The following HDAC9 variants were observed in gnomAD, a reference collection of about 807,000 sequenced individuals.
HDAC9 encodes histone deacetylase 9.
In HDAC9, 41 loss-of-function variants were observed where a neutral mutation model predicts 139.4. The ratio of observed to expected loss-of-function variants is 0.29; its 90% CI spans 0.23 to 0.38. HDAC9 has a LOEUF of 0.38. HDAC9 is among the 10% of genes least tolerant of loss of function. The pLI is 1.00. For synonymous variants in HDAC9, 517 were observed against 476.2 expected (o/e 1.09, Z -1.12); for missense variants, 1,147 against 1,297.0 (o/e 0.88, Z 1.78).
intron 1 of HDAC9, among the ~76,000 whole-genome samples, chr7:18,479,852 A>AT (rs1377469232): frequency 1.3e-5 from 2 of 152,036 alleles, no homozygotes; most frequent in African/African-American, 4.8e-5. Context: ...TATATTACAT[A>AT]ATATTGAAGT....
intron 20 of HDAC9, 80 bp from the exon 21 acceptor site, chr7:18,835,820 A>T: frequency 9.6e-7 from 1 of 1,043,274 alleles, no homozygotes; most frequent in Non-Finnish European, 1.4e-6. Context: ...AAGAGCTCCC[A>T]TGTGCTTGTT....
At chr7:18,326,376 ATTGT>A (rs1258239705) in intron 1 of HDAC9, among the ~76,000 whole-genome samples, 1 of 152,040 alleles carries the variant, frequency 6.6e-6, no homozygotes, top group Non-Finnish European at 1.5e-5. Flanking sequence ...TGGGGCAAAA[ATTGT>A]TTGAAAGAAG....
chr7:18,174,274 C>G (rs1788700323), intron 2 of HDAC9, among the ~76,000 whole-genome samples: 1 of 152,174 alleles, frequency 6.6e-6, no homozygotes, highest in Non-Finnish European at 1.5e-5. Flanking sequence ...TCATGTAGTT[C>G]TCATTCCATG....
At position 18,238,430 on chromosome 7, in the gene HDAC9, G is replaced by A. The variant is rs1033609293; in HGVS notation, c.25+76081G>A. 1.6e-3 allele frequency among the ~76,000 whole-genome samples: 239 copies of A among 152,262 alleles called. 3 individuals are homozygous for A. The highest frequency in any genetic ancestry group is 5.6e-3 in the African/African-American group (232 of 41,552). On this transcript the variant is annotated intron_variant, in intron 2 of 12. Coordinates refer to the HDAC9 transcript ENST00000417496. The stretch of plus-strand genomic sequence containing the variant: ...ACTTTCCACAGTGCCATAATTGCTG[G>A]TTGCCACACATTAACACTAGCGTAG...
chr7:18,222,856 C>T (rs1264885517), intron 2 of HDAC9, among the ~76,000 whole-genome samples: 1 of 152,056 alleles, frequency 6.6e-6, no homozygotes, highest in African/African-American at 2.4e-5. Context: ...TGTTTTTGCA[C>T]ACTTCTCTAT....
At chr7:18,823,193 C>T (rs983517731) in intron 17 of HDAC9, among the ~76,000 whole-genome samples, 3 of 151,984 alleles carry the variant, frequency 2.0e-5, no homozygotes, top group African/African-American at 7.3e-5. Flanking sequence ...GGTAGAATTT[C>T]TGGTGGAAGA....
intron 2 of HDAC9, among the ~76,000 whole-genome samples, chr7:18,503,968 A>G (rs1417851214): frequency 6.6e-6 from 1 of 152,202 alleles, no homozygotes; most frequent in Non-Finnish European, 1.5e-5. Context: ...CAAAATCCAG[A>G]AAACAAAAAA....
intron 24 of HDAC9, among the ~76,000 whole-genome samples, chr7:18,963,263 T>G (rs7808451): frequency 0.43 from 65,010 of 151,940 alleles, 14,031 homozygotes; most frequent in South Asian, 0.5. Context: ...GCACAAGAAA[T>G]CTTAAGATCC....
intron 2 of HDAC9, among the ~76,000 whole-genome samples, chr7:18,512,017 C>CA (rs11337572): frequency 0.024 from 2,333 of 96,486 alleles, 41 homozygotes; most frequent in East Asian, 0.078. Flanking sequence ...ATGAATTAAG[C>CA]AAAAAAAAAA....
intron 2 of HDAC9, among the ~76,000 whole-genome samples, chr7:18,195,379 A>G (rs1790652076): frequency 1.3e-5 from 2 of 152,196 alleles, no homozygotes; most frequent in Admixed American, 6.5e-5. Context: ...GGGGTCTGGG[A>G]TGGTTCCCTA....
At chr7:18,163,187 C>T (rs1265694934) in intron 2 of HDAC9, among the ~76,000 whole-genome samples, 1 of 152,164 alleles carries the variant, frequency 6.6e-6, no homozygotes, top group African/African-American at 2.4e-5. Context: ...GATTGCCACA[C>T]CCAAGTTAGC....
At chr7:18,930,941 C>G (rs1804686150) in intron 22 of HDAC9, among the ~76,000 whole-genome samples, 1 of 152,068 alleles carries the variant, frequency 6.6e-6, no homozygotes, top group Non-Finnish European at 1.5e-5. Flanking sequence ...ATTTGGATCG[C>G]TCTGTCTCTT....
intron 21 of HDAC9, among the ~76,000 whole-genome samples, chr7:18,872,975 A>G (rs73320054): frequency 0.022 from 3,344 of 152,294 alleles, 135 homozygotes; most frequent in African/African-American, 0.075. Flanking sequence ...GATTAATAAA[A>G]TTAAATTGAG....
chr7:18,254,992 T>C (rs1584866829), intron 2 of HDAC9, among the ~76,000 whole-genome samples: 1 of 152,306 alleles, frequency 6.6e-6, no homozygotes, highest in South Asian at 2.1e-4. Context: ...TACACACATA[T>C]ACATATATAA....
chr7:18,129,391 T>C, intron 1 of HDAC9, among the ~76,000 whole-genome samples: 1 of 152,154 alleles, frequency 6.6e-6, no homozygotes, highest in East Asian at 1.9e-4. Context: ...GAGGACCTTG[T>C]TTTATTCACC....
chr7:18,479,202 G>A (rs1320087886), intron 1 of HDAC9, among the ~76,000 whole-genome samples: 1 of 151,866 alleles, frequency 6.6e-6, no homozygotes, highest in Non-Finnish European at 1.5e-5. Context: ...GAATTTAAAT[G>A]TATTCTTTGA....
chr7:18,199,935 C>CA (rs1275824065), intron 2 of HDAC9, among the ~76,000 whole-genome samples: 1 of 150,916 alleles, frequency 6.6e-6, no homozygotes, highest in African/African-American at 2.4e-5. Flanking sequence ...GTCTCTGAAA[C>CA]AAAAAACAGA....
intron 22 of HDAC9, among the ~76,000 whole-genome samples, chr7:18,921,269 C>T (rs986758683): frequency 2.0e-5 from 3 of 152,136 alleles, no homozygotes; most frequent in Non-Finnish European, 2.9e-5. Context: ...GCACAGCAAA[C>T]GAAACCACCA....
At chr7:18,842,290 C>G (rs938863283) in intron 21 of HDAC9, among the ~76,000 whole-genome samples, 7 of 152,032 alleles carry the variant, frequency 4.6e-5, no homozygotes, top group Admixed American at 4.6e-4. Context: ...ATATGAAATA[C>G]TGTACATATC....
Sources: allele counts gnomAD v4.1 joint callset (sites outside exome capture counted in the v4.1 genomes callset), GRCh38; gene constraint gnomAD v4.1.1; transcripts MANE v1.5; gene names NCBI Gene and HGNC (gene_info 2026-07-23, HGNC 2026-07-21).